MYO5B: variants seen among roughly 807,000 people sequenced by gnomAD.
MYO5B encodes the protein myosin VB, also known as unconventional myosin-Vb.
Under a neutral mutation model 229.3 loss-of-function variants are expected in MYO5B, and 143 were observed. The ratio of observed to expected loss-of-function variants is 0.62; its 90% CI spans 0.54 to 0.72. MYO5B has a LOEUF of 0.72. Ranked by LOEUF, MYO5B falls within the 30% of genes least tolerant of loss-of-function variation. The pLI is 0.00. For synonymous variants in MYO5B, 918 were observed against 885.2 expected (o/e 1.04, Z -0.66); for missense variants, 2,321 against 2,331.0 (o/e 1.00, Z 0.09).
intron 12 of MYO5B, among the ~76,000 whole-genome samples, chr18:49,959,439 C>T (rs895179793): frequency 3.9e-5 from 6 of 152,214 alleles, no homozygotes; most frequent in Non-Finnish European, 7.3e-5. Context: ...CTTAAGAAAC[C>T]ACAATCCCCT....
At chr18:49,876,858 C>T (rs146830615) in intron 25 of MYO5B, among the ~76,000 whole-genome samples, 8 of 152,368 alleles carry the variant, frequency 5.3e-5, no homozygotes, top group African/African-American at 1.9e-4. Flanking sequence ...CCTCCACCCT[C>T]TGCTCCAGCA....
intron 13 of MYO5B, among the ~76,000 whole-genome samples, chr18:49,953,926 GT>G (rs2144245412): frequency 1.0e-5 from 1 of 98,686 alleles, no homozygotes; most frequent in East Asian, 2.3e-4. Flanking sequence ...GTGTGTGTGT[GT>G]GTGTGTAGAC....
intron 1 of MYO5B, among the ~76,000 whole-genome samples, chr18:50,133,955 C>T (rs2032294558): frequency 6.6e-6 from 1 of 152,022 alleles, no homozygotes; most frequent in African/African-American, 2.4e-5. Context: ...TAGCATGCTG[C>T]CTTATGTATA....
intron 1 of MYO5B, among the ~76,000 whole-genome samples, chr18:50,102,076 T>C (rs1416757093): frequency 6.6e-6 from 1 of 152,128 alleles, no homozygotes; most frequent in Non-Finnish European, 1.5e-5. Context: ...GATCATGTCC[T>C]TGGGTGAAGG....
At chr18:49,925,623 G>A (rs1175446564) in intron 17 of MYO5B, among the ~76,000 whole-genome samples, 1 of 152,194 alleles carries the variant, frequency 6.6e-6, no homozygotes, top group East Asian at 1.9e-4. Flanking sequence ...ATAAGGAAAT[G>A]TTTTCTGTAG....
intron 4 of MYO5B, among the ~76,000 whole-genome samples, chr18:50,019,602 G>C (rs1205318854): frequency 6.6e-6 from 1 of 152,224 alleles, no homozygotes; most frequent in Non-Finnish European, 1.5e-5. Flanking sequence ...CCATGAGGAG[G>C]TTAGGATTCA....
At chr18:49,904,849 G>A in intron 19 of MYO5B, 21 bp from the exon 20 acceptor site, 1 of 1,612,378 alleles carries the variant, frequency 6.2e-7, no homozygotes, top group East Asian at 2.2e-5. Flanking sequence ...AGAGGAAACA[G>A]GCAGTGTCAG....
intron 1 of MYO5B, among the ~76,000 whole-genome samples, chr18:50,059,758 A>G (rs1185675965): frequency 6.6e-6 from 1 of 152,228 alleles, no homozygotes; most frequent in Non-Finnish European, 1.5e-5. Flanking sequence ...TAAAGTGTCT[A>G]TAAATTACTG....
chr18:49,936,115 G>A (rs564698734), intron 16 of MYO5B, 137 bp downstream of exon 16: 2 of 750,694 alleles, frequency 2.7e-6, no homozygotes, highest in Non-Finnish European at 2.4e-6. Flanking sequence ...TCTGCAGCAA[G>A]TAAGATGTCT....
chr18:49,989,136 G>T (rs566623802), intron 7 of MYO5B, among the ~76,000 whole-genome samples: 37 of 152,226 alleles, frequency 2.4e-4, no homozygotes, highest in South Asian at 6.2e-4. Flanking sequence ...GGATCCCTGG[G>T]GCCTAACATG....
Position 50,084,861 on chromosome 18 carries a change from A to T in MYO5B, c.28-29483T>A, listed in dbSNP as rs1038475366. Reference sequence around the variant, plus strand: ...GGTGCTGGGAAAACTGGCTAGCCATATGTAGAAAGCTGAAACTGGATCCCT... The same window carrying T: ...GGTGCTGGGAAAACTGGCTAGCCATTTGTAGAAAGCTGAAACTGGATCCCT... On this transcript the variant is annotated intron_variant, in intron 1 of 39. Transcript: ENST00000285039. Among the ~76,000 whole-genome samples the T allele has an allele frequency of 3.3e-4, 51 of 152,344 alleles. 1 individual carries two copies. The highest frequency in any genetic ancestry group is 3.2e-3 in the Admixed American group (49 of 15,302).
intron 2 of MYO5B, among the ~76,000 whole-genome samples, chr18:50,052,427 T>C (rs1363653038): frequency 2.7e-5 from 4 of 148,590 alleles, no homozygotes; most frequent in Non-Finnish European, 5.9e-5. Context: ...AAATTGGAAA[T>C]CATCATTCTC....
Position 50,194,765 on chromosome 18 carries a change from A to T in MYO5B, c.27+2T>A. On this transcript the variant is annotated splice_donor_variant, in intron 1 of 39. Transcript: ENST00000285039. LOFTEE classifies it high-confidence loss of function. ...GGGCGCCTCCCTCGCGGCCGCGCTC[A>T]CCTGGCTGTAGAGCTCGCCCACCGA... 1.4e-6 allele frequency: 2 copies of T among 1,480,290 alleles called. No homozygotes were observed. Among genetic ancestry groups the T allele is most frequent in the Non-Finnish European group, 1.8e-6 (2 of 1,120,652 alleles). The allele number at this position is 1,480,290 out of a possible 1,614,324, so 91.7% of individuals were successfully genotyped here.
At chr18:50,120,881 G>A (rs2032047489) in intron 1 of MYO5B, among the ~76,000 whole-genome samples, 1 of 152,096 alleles carries the variant, frequency 6.6e-6, no homozygotes, top group Non-Finnish European at 1.5e-5. Context: ...TGACCTGCAC[G>A]CCATTTAAAA....
intron 22 of MYO5B, among the ~76,000 whole-genome samples, chr18:49,884,681 C>T (rs184908463): frequency 1.8e-4 from 27 of 152,274 alleles, no homozygotes; most frequent in Admixed American, 1.7e-3. Flanking sequence ...CCACTCACCT[C>T]CTGCTGTGCG....
chr18:49,896,651 T>G (rs954632876), intron 21 of MYO5B, among the ~76,000 whole-genome samples: 1 of 152,112 alleles, frequency 6.6e-6, no homozygotes, highest in Non-Finnish European at 1.5e-5. Context: ...TGTTGGAGTA[T>G]GAAGAGAGGC....
Position 49,864,143 on chromosome 18 carries a change from C to T in MYO5B, c.3841G>A (p.Ala1281Thr), listed in dbSNP as rs772389682. Residue 1281 changes from alanine (A) to threonine (T), a missense_variant and splice_region_variant, in exon 28 of 40, where the codon GCG (alanine) becomes ACG (threonine). Coordinates refer to ENST00000285039, the MANE Select transcript of MYO5B (RefSeq NM_001080467.3). Reference protein sequence around the residue: ...ADQRRLAGRNAEPNINARSSW... With the variant: ...ADQRRLAGRNTEPNINARSSW... ...ACCGCGGGCCGCCATCTTGTTACCG[C>T]GTTCCTGCCGGCGAGTCGCCGCTGG... The T allele has an allele frequency of 2.8e-5, 45 of 1,608,200 alleles. No homozygotes were observed. The highest frequency in any genetic ancestry group is 1.9e-4 in the South Asian group (17 of 91,068).
At chr18:50,038,087 T>C (rs892865325) in intron 3 of MYO5B, among the ~76,000 whole-genome samples, 8 of 152,328 alleles carry the variant, frequency 5.3e-5, no homozygotes, top group Admixed American at 2.6e-4. Flanking sequence ...TAATCTTTTA[T>C]GGATGATGTG....
At chr18:49,855,013 A>G (rs1309429346) in intron 30 of MYO5B, among the ~76,000 whole-genome samples, 1 of 152,240 alleles carries the variant, frequency 6.6e-6, no homozygotes, top group Non-Finnish European at 1.5e-5. Context: ...ATTACTAAAG[A>G]AAAATAACAT....
Sources: allele counts gnomAD v4.1 joint callset (sites outside exome capture counted in the v4.1 genomes callset), GRCh38; gene constraint gnomAD v4.1.1; transcripts MANE v1.5; gene names NCBI Gene and HGNC (gene_info 2026-07-23, HGNC 2026-07-21).